Variants in GLB1 observed in about 807,000 individuals in gnomAD.
GLB1 encodes the protein galactosidase beta 1.
GLB1 carries 56 observed loss-of-function variants against 74.0 expected under a neutral mutation model. The ratio of observed to expected loss-of-function variants is 0.76; its 90% CI spans 0.61 to 0.94. The LOEUF is 0.94. Ranked by LOEUF, GLB1 falls within the 40% of genes least tolerant of loss-of-function variation. The pLI, the probability that GLB1 is intolerant of heterozygous loss-of-function variation, is 0.00. For synonymous variants in GLB1, 323 were observed against 323.6 expected (o/e 1.00, Z 0.02); for missense variants, 787 against 845.5 (o/e 0.93, Z 0.86).
At chr3:33,065,785 T>C (rs915513666) in intron 4 of GLB1, among the ~76,000 whole-genome samples, 1 of 151,920 alleles carries the variant, frequency 6.6e-6, no homozygotes, top group Non-Finnish European at 1.5e-5. Context: ...CTGACCAACA[T>C]GGAGAAACCC....
intron 10 of GLB1, chr3:33,030,679 C>T: frequency 1.0e-6 from 1 of 985,438 alleles, no homozygotes; most frequent in Non-Finnish European, 1.2e-6. Context: ...CCCCTCTTCA[C>T]CACTCAGCCC....
chr3:33,011,899 C>T (rs1161573451), intron 15 of GLB1, among the ~76,000 whole-genome samples: 1 of 152,164 alleles, frequency 6.6e-6, no homozygotes, highest in Non-Finnish European at 1.5e-5. Context: ...TGCAATCTGG[C>T]TGGGAGATGC....
At chr3:32,965,981 T>C in the GLB1 span, among the ~76,000 whole-genome samples, 3 of 152,194 alleles carry the variant, frequency 2.0e-5, no homozygotes, top group East Asian at 1.9e-4. Flanking sequence ...AGAAGATGTA[T>C]GGAAACGCTG....
At chr3:33,049,505 C>T (rs1247818399) in intron 9 of GLB1, among the ~76,000 whole-genome samples, 2 of 152,144 alleles carry the variant, frequency 1.3e-5, no homozygotes, top group South Asian at 4.1e-4. Context: ...CAACCTCCAC[C>T]ACCTGGGTTC....
chr3:33,010,531 A>G (rs1194012829), intron 15 of GLB1, among the ~76,000 whole-genome samples: 1 of 152,222 alleles, frequency 6.6e-6, no homozygotes, highest in Non-Finnish European at 1.5e-5. Flanking sequence ...TATTCTAGAT[A>G]TAAGTCCTTT....
At chr3:32,964,935 T>C in the GLB1 span, among the ~76,000 whole-genome samples, 1 of 152,168 alleles carries the variant, frequency 6.6e-6, no homozygotes, top group Admixed American at 6.5e-5. Flanking sequence ...CTGATGGTTT[T>C]ATAAAGGGCA....
In GLB1 at chr3:33,018,574, G is replaced by A; in HGVS notation, c.1234-13C>T. The A allele has an allele frequency of 6.2e-7, 1 of 1,613,788 alleles. No homozygotes were observed. Among genetic ancestry groups the A allele is most frequent in the East Asian group, 2.2e-5 (1 of 44,876 alleles). On this transcript the variant is annotated splice_polypyrimidine_tract_variant and intron_variant, in intron 12 of 15. Transcript: ENST00000307363. The stretch of plus-strand genomic sequence containing the variant: ...CAAACCCATAATGCTGGTTAGAAAA[G>A]GATTTAAGAAAAATACATCACTATT...
chr3:32,996,873 T>C lies in GLB1; in HGVS notation c.*172A>G, dbSNP rs920784209. 8.5e-7 allele frequency: 1 copy of C among 1,182,382 alleles called. No homozygotes were observed. The highest frequency in any genetic ancestry group is 2.1e-5 in the Admixed American group (1 of 46,660). 73.2% of individuals were successfully genotyped at this position (1,182,382 alleles called of 1,614,324 possible). A position where few individuals can be genotyped will look rare whatever the true frequency, so the allele number is the denominator to read the frequency against. On this transcript the variant is annotated 3_prime_UTR_variant, in exon 16 of 16. Transcript: ENST00000307363. Reference sequence around the variant, plus strand: ...TCAGCCCCTCACACATTCCAGGTGGTCCCTGAAGGTGGGGCTTTGGCACTG... The same window carrying C: ...TCAGCCCCTCACACATTCCAGGTGGCCCCTGAAGGTGGGGCTTTGGCACTG...
At position 33,085,711 on chromosome 3, in the gene GLB1, T is replaced by C. The variant is rs75992708; in HGVS notation, c.75+11300A>G. On this transcript the variant is annotated intron_variant, in intron 1 of 15. Transcript: ENST00000307363. ...GCTAGATTAAAAAAAAAAACAAAAC[T>C]ATTAGGGTCTCATCAAAATGACAAG... Among the ~76,000 whole-genome samples, 1,041 of 151,578 alleles carry C rather than the reference T, an allele frequency of 6.9e-3. 14 individuals are homozygous for C. The highest frequency in any genetic ancestry group is 0.023 in the African/African-American group (936 of 41,304).
At chr3:33,096,362 C>T in intron 1 of GLB1, 1 of 980,960 alleles carries the variant, frequency 1.0e-6, no homozygotes, top group Non-Finnish European at 1.2e-6. Context: ...CAGCCCTGCC[C>T]CGATCAACGA....
the GLB1 span, among the ~76,000 whole-genome samples, chr3:32,967,121 T>C: frequency 6.6e-6 from 1 of 152,208 alleles, no homozygotes; most frequent in Non-Finnish European, 1.5e-5. Flanking sequence ...TTGGAAGTTC[T>C]CATCAGGACA....
the GLB1 span, among the ~76,000 whole-genome samples, chr3:32,982,335 T>G: frequency 0.031 from 4,629 of 149,754 alleles, 174 homozygotes; most frequent in East Asian, 0.16. Flanking sequence ...AAAAAAAAAC[T>G]TATTTCATAG....
intron 10 of GLB1, chr3:33,045,387 G>C (rs1203682825): frequency 3.8e-5 from 37 of 985,018 alleles, no homozygotes; most frequent in Non-Finnish European, 4.5e-5. Context: ...TTTATATAAA[G>C]GGAATTTACA....
intron 14 of GLB1, 57 bp from the exon 15 acceptor site, chr3:33,014,367 T>C: frequency 6.3e-7 from 1 of 1,596,508 alleles, no homozygotes; most frequent in Non-Finnish European, 8.5e-7. Context: ...AGGCTTCACA[T>C]GTCTCTGCAT....
At chr3:32,997,606 GA>G (rs1469839688) in intron 15 of GLB1, among the ~76,000 whole-genome samples, 2 of 152,142 alleles carry the variant, frequency 1.3e-5, no homozygotes, top group Admixed American at 1.3e-4. Context: ...CCTGCTTCAG[GA>G]AAATACAGGT....
chr3:32,982,181 C>T, the GLB1 span, among the ~76,000 whole-genome samples: 53 of 152,040 alleles, frequency 3.5e-4, 1 homozygote, highest in South Asian at 8.3e-3. Flanking sequence ...GGCATGGTGG[C>T]GCATGCCTGT....
chr3:33,082,045 C>T lies in GLB1; in HGVS notation c.76-9332G>A, dbSNP rs1181000085. Among the ~76,000 whole-genome samples the T allele has an allele frequency of 2.0e-5, 3 of 152,166 alleles. No individual in the cohort carries two copies. The East Asian group carries it at 5.8e-4, about 29-fold the overall frequency. Reference sequence around the variant, plus strand: ...CCCCAAGTCCACACAGTAAATATTCCTCCAATCCTTCCCAACAAGACTCAG... The same window carrying T: ...CCCCAAGTCCACACAGTAAATATTCTTCCAATCCTTCCCAACAAGACTCAG... On this transcript the variant is annotated intron_variant, in intron 1 of 15. Coordinates refer to ENST00000307363, the MANE Select transcript of GLB1 (RefSeq NM_000404.4).
chr3:33,011,541 A>G (rs769795037), intron 15 of GLB1, among the ~76,000 whole-genome samples: 9 of 148,652 alleles, frequency 6.1e-5, no homozygotes, highest in Non-Finnish European at 1.3e-4. Flanking sequence ...GCTACTCTGG[A>G]GGCTGAGGCA....
At chr3:33,071,456 A>T (rs2125552183) in intron 2 of GLB1, among the ~76,000 whole-genome samples, 1 of 152,378 alleles carries the variant, frequency 6.6e-6, no homozygotes, top group African/African-American at 2.4e-5. Flanking sequence ...ATAGCAAAAG[A>T]GATGCAGAGA....
Sources: allele counts gnomAD v4.1 joint callset (sites outside exome capture counted in the v4.1 genomes callset), GRCh38; gene constraint gnomAD v4.1.1; transcripts MANE v1.5; gene names NCBI Gene and HGNC (gene_info 2026-07-23, HGNC 2026-07-21).